COL19A1: variants seen among roughly 807,000 people sequenced by gnomAD.
COL19A1 encodes collagen type XIX alpha 1 chain.
A neutral mutation model predicts 190.2 loss-of-function variants in COL19A1; 159 were observed. The observed-to-expected ratio is 0.84, with a 90% CI of 0.73 to 0.95. The LOEUF (loss-of-function observed/expected upper bound fraction) is 0.95, where lower values mean the gene tolerates loss of function less well. Ranked by LOEUF, COL19A1 falls within the 40% of genes least tolerant of loss-of-function variation. The pLI, the probability that COL19A1 is intolerant of heterozygous loss-of-function variation, is 0.00. For synonymous variants in COL19A1, 509 were observed against 458.9 expected, an observed-to-expected ratio of 1.11 and a Z score of -1.39; for missense variants, 1,418 against 1,431.9, an observed-to-expected ratio of 0.99 and a Z score of 0.16.
intron 2 of COL19A1, among the ~76,000 whole-genome samples, chr6:69,897,348 A>G (rs1422470638): frequency 6.6e-6 from 1 of 152,124 alleles, no homozygotes; most frequent in Non-Finnish European, 1.5e-5. Context: ...AAAAAAATTT[A>G]TATCTGATAG....
intron 15 of COL19A1, 133 bp from the exon 16 acceptor site, chr6:70,102,036 G>T (rs912313480): frequency 3.9e-6 from 3 of 778,440 alleles, no homozygotes; most frequent in Non-Finnish European, 6.5e-6. Flanking sequence ...ATATTTAAAA[G>T]TCATGTGGAA....
intron 2 of COL19A1, chr6:69,889,945 G>T (rs1408754328): frequency 1.3e-5 from 2 of 151,912 alleles, no homozygotes; most frequent in Non-Finnish European, 2.9e-5. Flanking sequence ...CACTCTTTGG[G>T]TCCACACCAC....
intron 2 of COL19A1, among the ~76,000 whole-genome samples, chr6:69,895,007 A>G (rs1769620440): frequency 6.6e-6 from 1 of 152,352 alleles, no homozygotes; most frequent in East Asian, 1.9e-4. Flanking sequence ...TCTTATTCTT[A>G]TACAACTGAT....
At chr6:69,922,554 C>T (rs1429424538) in intron 4 of COL19A1, among the ~76,000 whole-genome samples, 4 of 144,662 alleles carry the variant, frequency 2.8e-5, no homozygotes, top group Non-Finnish European at 4.5e-5. Flanking sequence ...AATCTCGGCT[C>T]ACTGCAACCT....
At chr6:69,913,612 A>G (rs934567787) in intron 4 of COL19A1, among the ~76,000 whole-genome samples, 1 of 152,164 alleles carries the variant, frequency 6.6e-6, no homozygotes, top group East Asian at 1.9e-4. Flanking sequence ...GGTCAAAGCA[A>G]TTTGAGGAAT....
intron 10 of COL19A1, 74 bp downstream of exon 10, chr6:69,960,114 TG>T (rs1171362638): frequency 1.2e-5 from 16 of 1,390,756 alleles, no homozygotes; most frequent in Non-Finnish European, 1.6e-5. Context: ...CATAATATTC[TG>T]AAATTGTATT....
rs139283686 is a variant in COL19A1, at chr6:70,166,597, T to C, written c.2445+612T>C. Among the ~76,000 whole-genome samples the C allele has an allele frequency of 2.2e-3, 342 of 152,330 alleles. 1 individual carries two copies. The highest frequency in any genetic ancestry group is 4.0e-3 in the Non-Finnish European group (272 of 68,036). On this transcript the variant is annotated intron_variant, in intron 37 of 50. Transcript: ENST00000620364. ...GAATCGCAGCCGAGCCGAGCTGAGA[T>C]ATCACGCAAAACACCCTTTTCTACC...
At chr6:70,060,938 A>G (rs1202143357) in intron 14 of COL19A1, among the ~76,000 whole-genome samples, 4 of 152,132 alleles carry the variant, frequency 2.6e-5, no homozygotes, top group Non-Finnish European at 1.5e-5. Flanking sequence ...GGATAAATGA[A>G]GCACACACAT....
At chr6:69,990,577 G>C (rs970708992) in intron 11 of COL19A1, among the ~76,000 whole-genome samples, 2 of 151,872 alleles carry the variant, frequency 1.3e-5, no homozygotes, top group African/African-American at 4.8e-5. Flanking sequence ...TTAAAGAATC[G>C]GGGTTGTTTG....
chr6:70,007,232 TCAATAA>T (rs919415283), intron 11 of COL19A1, among the ~76,000 whole-genome samples: 2 of 152,094 alleles, frequency 1.3e-5, no homozygotes, highest in Non-Finnish European at 2.9e-5. Flanking sequence ...ATTTGCCATA[TCAATAA>T]TTACATTAAA....
chr6:69,881,140 T>C (rs1033167758), intron 2 of COL19A1, among the ~76,000 whole-genome samples: 5 of 152,222 alleles, frequency 3.3e-5, no homozygotes, highest in Admixed American at 1.3e-4. Flanking sequence ...TTGCAGGTCG[T>C]ACTGGGGTGG....
At chr6:70,008,943 G>T (rs1284223200) in intron 11 of COL19A1, among the ~76,000 whole-genome samples, 1 of 151,860 alleles carries the variant, frequency 6.6e-6, no homozygotes, top group African/African-American at 2.4e-5. Context: ...ATGAATTCAG[G>T]ACAAAATATT....
intron 11 of COL19A1, among the ~76,000 whole-genome samples, chr6:69,979,547 A>G (rs1372481736): frequency 6.6e-6 from 1 of 151,934 alleles, no homozygotes; most frequent in East Asian, 1.9e-4. Context: ...ATTCTTAAAA[A>G]GGGCAAAAAT....
At chr6:69,923,741 A>G (rs1321512289) in intron 4 of COL19A1, among the ~76,000 whole-genome samples, 2 of 152,168 alleles carry the variant, frequency 1.3e-5, no homozygotes, top group Non-Finnish European at 2.9e-5. Context: ...AAGGCCTGAA[A>G]AGGCCTTAAA....
chr6:70,033,339 A>G (rs1049309368), intron 12 of COL19A1, among the ~76,000 whole-genome samples: 2 of 152,250 alleles, frequency 1.3e-5, no homozygotes, highest in East Asian at 3.9e-4. Flanking sequence ...TCAGCTAGGA[A>G]CAGTAAGACA....
intron 2 of COL19A1, among the ~76,000 whole-genome samples, chr6:69,886,764 C>T (rs1224552873): frequency 6.6e-6 from 1 of 152,060 alleles, no homozygotes; most frequent in African/African-American, 2.4e-5. Context: ...AATACATGCA[C>T]ATTTACTCAA....
intron 15 of COL19A1, among the ~76,000 whole-genome samples, chr6:70,084,907 A>T (rs1364145794): frequency 6.6e-6 from 1 of 151,804 alleles, no homozygotes; most frequent in Non-Finnish European, 1.5e-5. Context: ...AGTCTTGCAA[A>T]CTCCTGGGTG....
intron 11 of COL19A1, among the ~76,000 whole-genome samples, chr6:69,964,706 T>C (rs1044419380): frequency 6.6e-6 from 1 of 152,144 alleles, no homozygotes; most frequent in African/African-American, 2.4e-5. Flanking sequence ...AATATGTTTG[T>C]AGAATGATTT....
intron 16 of COL19A1, among the ~76,000 whole-genome samples, chr6:70,117,159 T>A (rs2150206705): frequency 6.6e-6 from 1 of 152,204 alleles, no homozygotes; most frequent in South Asian, 2.1e-4. Flanking sequence ...TAAAGCTGGA[T>A]CAGAAGGCTC....
Sources: allele counts gnomAD v4.1 joint callset (sites outside exome capture counted in the v4.1 genomes callset), GRCh38; gene constraint gnomAD v4.1.1; transcripts MANE v1.5; gene names NCBI Gene and HGNC (gene_info 2026-07-23, HGNC 2026-07-21).